Variants in THSD7A observed in about 807,000 individuals in gnomAD.
The protein encoded by THSD7A is thrombospondin type 1 domain containing 7A, also known as thrombospondin type-1 domain-containing protein 7A.
In THSD7A, 96 loss-of-function variants were observed where a neutral mutation model predicts 231.3. That is an observed-to-expected ratio of 0.41 (90% CI 0.35 to 0.49). The LOEUF is 0.49. Ranked by LOEUF, THSD7A falls within the 20% of genes least tolerant of loss-of-function variation. The probability of loss-of-function intolerance (pLI) is 0.05; values close to 1 mark genes in which losing one functional copy is unlikely to be tolerated. For synonymous variants in THSD7A, 940 were observed against 743.3 expected (o/e 1.26, Z -4.30); for missense variants, 2,290 against 2,070.2 (o/e 1.11, Z -2.06).
rs756149664 is a variant in THSD7A, at chr7:11,412,703, G to A, written c.3635C>T (p.Pro1212Leu). Reference protein sequence around the residue: ...RSCPNAVEKEPCNLNKNCYHY... With the variant: ...RSCPNAVEKELCNLNKNCYHY... ...GTAGCAGTTTTTGTTCAGGTTACAGGGTTCTTTCTCAACAGCATTAGGGCA... is the reference window on the plus strand; with the variant it reads ...GTAGCAGTTTTTGTTCAGGTTACAGAGTTCTTTCTCAACAGCATTAGGGCA... Residue 1212 changes from proline (P) to leucine (L), a missense_variant, in exon 18 of 28, where the codon CCC becomes CTC. By Grantham distance (98) the Pro-to-Leu change is moderately conservative (BLOSUM62 -3). Coordinates refer to ENST00000423059, the MANE Select transcript of THSD7A (RefSeq NM_015204.3). The A allele has an allele frequency of 1.2e-6, 2 of 1,613,732 alleles. No individual in the cohort carries two copies. The highest frequency in any genetic ancestry group is 2.2e-5 in the East Asian group (1 of 44,870).
intron 4 of THSD7A, among the ~76,000 whole-genome samples, chr7:11,562,480 G>A (rs1164243736): frequency 1.3e-5 from 2 of 152,052 alleles, no homozygotes; most frequent in African/African-American, 2.4e-5. Flanking sequence ...CTCCTGATAC[G>A]TATTTTTTTT....
At position 11,474,733 on chromosome 7, in the gene THSD7A, C is replaced by A. The variant is rs1169650727; in HGVS notation, c.2018-165G>T. ...TTTATGTGAGATGCTTCAAGGGATACCTACAGGGGTTAAAAATAGTTTCTG... is the reference window on the plus strand; with the variant it reads ...TTTATGTGAGATGCTTCAAGGGATAACTACAGGGGTTAAAAATAGTTTCTG... On this transcript the variant is annotated intron_variant, in intron 7 of 27. Transcript: ENST00000423059. The surrounding 1 kb of genome is among the most constrained non-coding windows in gnomAD (Gnocchi z 4.1). Among the ~76,000 whole-genome samples, 2 of 152,084 alleles carry A rather than the reference C, an allele frequency of 1.3e-5. No homozygotes were observed. Among genetic ancestry groups the A allele is most frequent in the African/African-American group, 4.8e-5 (2 of 41,392 alleles).
chr7:11,416,820 G>A (rs1783976559), intron 17 of THSD7A, among the ~76,000 whole-genome samples: 1 of 152,132 alleles, frequency 6.6e-6, no homozygotes, highest in African/African-American at 2.4e-5. Context: ...TCTCGTGGAT[G>A]AGCCCCTACT....
intron 4 of THSD7A, among the ~76,000 whole-genome samples, chr7:11,579,932 G>A (rs1413062673): frequency 6.6e-6 from 1 of 152,144 alleles, no homozygotes; most frequent in Non-Finnish European, 1.5e-5. Context: ...AAAAATCTAT[G>A]TTAGAATTAG....
chr7:11,460,375 C>T (rs1354755422), intron 11 of THSD7A, among the ~76,000 whole-genome samples: 1 of 151,386 alleles, frequency 6.6e-6, no homozygotes, highest in Non-Finnish European at 1.5e-5. Flanking sequence ...AACAAACAAA[C>T]AAAAAAGCTT....
chr7:11,678,770 C>G (rs761912201), intron 1 of THSD7A, among the ~76,000 whole-genome samples: 1 of 152,112 alleles, frequency 6.6e-6, no homozygotes, highest in African/African-American at 2.4e-5. Flanking sequence ...ACCAGAGGTA[C>G]AAAGAGGAGC....
intron 1 of THSD7A, among the ~76,000 whole-genome samples, chr7:11,671,682 G>A (rs2049536): frequency 0.64 from 96,654 of 151,978 alleles, 31,328 homozygotes; most frequent in African/African-American, 0.76. Flanking sequence ...TGTATTAAAA[G>A]CATATACAGA....
chr7:11,607,765 T>C (rs1780781242), intron 2 of THSD7A, among the ~76,000 whole-genome samples: 1 of 152,166 alleles, frequency 6.6e-6, no homozygotes, highest in African/African-American at 2.4e-5. Flanking sequence ...GCACTCATGT[T>C]AAAGCCATTT....
chr7:11,480,633 T>C (rs1292564701), intron 7 of THSD7A, among the ~76,000 whole-genome samples: 1 of 152,152 alleles, frequency 6.6e-6, no homozygotes, highest in Admixed American at 6.5e-5. Context: ...TTGAACACTA[T>C]AAAGAAAATT....
intron 4 of THSD7A, among the ~76,000 whole-genome samples, chr7:11,561,182 G>A (rs905476470): frequency 5.3e-5 from 8 of 152,142 alleles, no homozygotes; most frequent in South Asian, 2.1e-4. Flanking sequence ...ACATGACAGG[G>A]TTTCAATAAT....
intron 1 of THSD7A, among the ~76,000 whole-genome samples, chr7:11,772,208 C>CA (rs113430931): frequency 0.33 from 48,352 of 144,598 alleles, 8,537 homozygotes; most frequent in African/African-American, 0.47. Context: ...AAAGTTAAAA[C>CA]AAAAAAAAAC....
intron 1 of THSD7A, among the ~76,000 whole-genome samples, chr7:11,711,370 C>T (rs756500125): frequency 6.6e-6 from 1 of 150,890 alleles, no homozygotes; most frequent in African/African-American, 2.4e-5. Context: ...TGTCAATGCC[C>T]CCAAGTTAAC....
chr7:11,474,198 A>C lies in THSD7A; in HGVS notation c.2252+136T>G. 4.2e-6 allele frequency: 3 copies of C among 715,980 alleles called. No individual in the cohort carries two copies. The highest frequency in any genetic ancestry group is 6.6e-6 in the Non-Finnish European group (3 of 451,136). 44.4% of individuals were successfully genotyped at this position (715,980 alleles called of 1,614,324 possible). ...ATAGCTTTATCAGTGGCTGACTTTC[A>C]AAACAAACAAATCTTGCTCTTGAGG... is the stretch of plus-strand genomic sequence containing the variant. On this transcript the variant is annotated intron_variant, in intron 8 of 27. Transcript: ENST00000423059. This position sits in a 1 kb window ranked among gnomAD's most constrained non-coding sequence, Gnocchi z 4.1.
At chr7:11,746,190 T>C (rs1782294551) in intron 1 of THSD7A, among the ~76,000 whole-genome samples, 1 of 151,912 alleles carries the variant, frequency 6.6e-6, no homozygotes, top group African/African-American at 2.4e-5. Context: ...ATATTTTGTA[T>C]TTAAACATTT....
At chr7:11,534,977 C>A (rs559136171) in intron 6 of THSD7A, among the ~76,000 whole-genome samples, 1 of 152,114 alleles carries the variant, frequency 6.6e-6, no homozygotes, top group Admixed American at 6.6e-5. Flanking sequence ...GACCACATCT[C>A]TAAAAGGAAA....
At chr7:11,698,588 A>T (rs1780474109) in intron 1 of THSD7A, among the ~76,000 whole-genome samples, 1 of 151,470 alleles carries the variant, frequency 6.6e-6, no homozygotes, top group African/African-American at 2.4e-5. Context: ...ACTGCAAATT[A>T]TTCCACACTC....
intron 1 of THSD7A, among the ~76,000 whole-genome samples, chr7:11,803,516 A>G (rs1450741598): frequency 6.6e-6 from 1 of 152,182 alleles, no homozygotes. Context: ...TGAGATTGAG[A>G]GAGAGGAGAA....
intron 4 of THSD7A, among the ~76,000 whole-genome samples, chr7:11,558,122 T>A (rs1321856429): frequency 6.6e-6 from 1 of 152,158 alleles, no homozygotes. Context: ...AGCTCCAACC[T>A]TGAGATGTGG....
chr7:11,758,046 C>T (rs916703098), intron 1 of THSD7A, among the ~76,000 whole-genome samples: 1 of 141,020 alleles, frequency 7.1e-6, no homozygotes, highest in Non-Finnish European at 1.6e-5. Context: ...TATAATGTTT[C>T]ACTTTAATCA....
Sources: allele counts gnomAD v4.1 joint callset (sites outside exome capture counted in the v4.1 genomes callset), GRCh38; gene constraint gnomAD v4.1.1; non-coding constraint Gnocchi (gnomAD v3.1); transcripts MANE v1.5; gene names NCBI Gene and HGNC (gene_info 2026-07-23, HGNC 2026-07-21).